The following DDAH1 variants were observed in gnomAD, a reference collection of about 807,000 sequenced individuals.
DDAH1 encodes dimethylarginine dimethylaminohydrolase 1.
In DDAH1, 19 loss-of-function variants were observed where a neutral mutation model predicts 28.8. The ratio of observed to expected loss-of-function variants is 0.66; its 90% CI spans 0.46 to 0.97. The LOEUF (loss-of-function observed/expected upper bound fraction) is 0.97. Among genes scored for constraint, DDAH1 ranks in the 50% least tolerant of loss-of-function variants. The pLI is 0.00. For synonymous variants in DDAH1, 153 were observed against 154.4 expected, an observed-to-expected ratio of 0.99 and a Z score of 0.07; for missense variants, 326 against 375.9, an observed-to-expected ratio of 0.87 and a Z score of 1.10.
At chr1:85,382,985 T>C (rs1322041047) in intron 1 of DDAH1, among the ~76,000 whole-genome samples, 4 of 152,244 alleles carry the variant, frequency 2.6e-5, no homozygotes, top group South Asian at 2.1e-4. Context: ...AGAGTTCTGA[T>C]AGAAATGCTC....
At chr1:85,436,395 A>G (rs1653946512) in intron 1 of DDAH1, among the ~76,000 whole-genome samples, 2 of 152,354 alleles carry the variant, frequency 1.3e-5, no homozygotes, top group East Asian at 3.9e-4. Flanking sequence ...CAAAGAGAAC[A>G]TGGGCATAAA....
intron 2 of DDAH1, among the ~76,000 whole-genome samples, chr1:85,489,222 C>A (rs1174960977): frequency 6.6e-6 from 1 of 152,148 alleles, no homozygotes; most frequent in Non-Finnish European, 1.5e-5. Context: ...AACAGTATGA[C>A]CACAAAATAC....
chr1:85,451,777 G>A (rs1654680048), intron 1 of DDAH1, among the ~76,000 whole-genome samples: 1 of 152,144 alleles, frequency 6.6e-6, no homozygotes, highest in Non-Finnish European at 1.5e-5. Flanking sequence ...GAGCAGGTGG[G>A]CAGTTCAGTG....
At chr1:85,341,738 G>A (rs141118382) in intron 4 of DDAH1, among the ~76,000 whole-genome samples, 172 of 152,164 alleles carry the variant, frequency 1.1e-3, no homozygotes, top group Non-Finnish European at 1.8e-3. Flanking sequence ...GCGTGAACCC[G>A]GGAGGTGGAG....
intron 2 of DDAH1, among the ~76,000 whole-genome samples, chr1:85,489,963 C>T (rs1328772804): frequency 6.6e-6 from 1 of 152,104 alleles, no homozygotes; most frequent in Non-Finnish European, 1.5e-5. Context: ...TATTTATATT[C>T]TACTTCAGAG....
intron 1 of DDAH1, among the ~76,000 whole-genome samples, chr1:85,565,564 A>G (rs1017862328): frequency 3.2e-4 from 48 of 152,196 alleles, no homozygotes; most frequent in African/African-American, 1.1e-3. Context: ...ATATTATTTC[A>G]AAATAAAAAG....
At chr1:85,402,062 T>A (rs1219134823) in intron 1 of DDAH1, among the ~76,000 whole-genome samples, 1 of 152,050 alleles carries the variant, frequency 6.6e-6, no homozygotes, top group Non-Finnish European at 1.5e-5. Context: ...CACAGCTCAC[T>A]ACAGCCTCAA....
chr1:85,470,392 A>T (rs1156911158), intron 2 of DDAH1, among the ~76,000 whole-genome samples: 1 of 152,210 alleles, frequency 6.6e-6, no homozygotes, highest in Non-Finnish European at 1.5e-5. Context: ...ATATGAGGGA[A>T]ACTACCCCAC....
chr1:85,533,964 G>A (rs1294103926), intron 1 of DDAH1, among the ~76,000 whole-genome samples: 1 of 152,186 alleles, frequency 6.6e-6, no homozygotes, highest in African/African-American at 2.4e-5. Context: ...AAAACAAAAC[G>A]TGGGCAATGA....
chr1:85,557,425 T>C (rs1659007330), intron 1 of DDAH1, among the ~76,000 whole-genome samples: 1 of 152,150 alleles, frequency 6.6e-6, no homozygotes, highest in Non-Finnish European at 1.5e-5. Context: ...CCATCCTCAT[T>C]TGAGAGATGA....
chr1:85,575,137 G>A (rs1423340293), intron 1 of DDAH1, among the ~76,000 whole-genome samples: 1 of 152,054 alleles, frequency 6.6e-6, no homozygotes, highest in Non-Finnish European at 1.5e-5. Context: ...AGGCTAAGGC[G>A]GGTGGATGGC....
At chr1:85,417,385 C>T (rs1274529047) in intron 1 of DDAH1, among the ~76,000 whole-genome samples, 2 of 152,162 alleles carry the variant, frequency 1.3e-5, no homozygotes, top group Non-Finnish European at 2.9e-5. Context: ...GTTCGATATG[C>T]TTGTGTTCTA....
chr1:85,486,873 G>C (rs903923225), intron 2 of DDAH1, among the ~76,000 whole-genome samples: 5 of 152,312 alleles, frequency 3.3e-5, no homozygotes, highest in African/African-American at 9.6e-5. Context: ...GATGTGGGTA[G>C]AGAGATAGGC....
intron 1 of DDAH1, among the ~76,000 whole-genome samples, chr1:85,373,103 T>A (rs1018830929): frequency 6.6e-6 from 1 of 152,156 alleles, no homozygotes; most frequent in African/African-American, 2.4e-5. Context: ...GTTCTGTTTA[T>A]GCTGTCAAAA....
At chr1:85,463,907 A>G (rs987837834) in intron 1 of DDAH1, among the ~76,000 whole-genome samples, 3 of 152,220 alleles carry the variant, frequency 2.0e-5, no homozygotes, top group Admixed American at 6.5e-5. Context: ...TCTCCCCACT[A>G]ACCTACATTG....
intron 2 of DDAH1, among the ~76,000 whole-genome samples, chr1:85,479,704 T>C (rs1655939593): frequency 6.6e-6 from 1 of 152,206 alleles, no homozygotes; most frequent in African/African-American, 2.4e-5. Flanking sequence ...GGGGTCAATG[T>C]GAGCATCATC....
intron 1 of DDAH1, among the ~76,000 whole-genome samples, chr1:85,460,599 A>T (rs1169423057): frequency 3.9e-5 from 6 of 152,006 alleles, no homozygotes; most frequent in East Asian, 1.9e-4. Flanking sequence ...AATAAATTTA[A>T]AAAAAAAGTA....
intron 1 of DDAH1, among the ~76,000 whole-genome samples, chr1:85,437,150 G>A (rs1216857237): frequency 6.6e-6 from 1 of 152,040 alleles, no homozygotes; most frequent in Non-Finnish European, 1.5e-5. Flanking sequence ...CACACACACT[G>A]GGCAACCTGA....
intron 2 of DDAH1, among the ~76,000 whole-genome samples, chr1:85,490,053 T>C (rs901540850): frequency 1.4e-4 from 22 of 151,972 alleles, no homozygotes; most frequent in African/African-American, 4.6e-4. Context: ...TGGAGAAAGA[T>C]GCAATGAAGA....
Sources: gnomAD v4.1 joint callset for allele counts (sites outside exome capture counted in the v4.1 genomes callset) on GRCh38, gnomAD v4.1.1 for gene constraint, MANE v1.5 for transcripts, NCBI Gene and HGNC (gene_info 2026-07-23, HGNC 2026-07-21) for gene names.